The following DNAJB1 variants were observed in gnomAD, a reference collection of about 807,000 sequenced individuals.
DNAJB1 encodes DnaJ heat shock protein family (Hsp40) member B1, also known as dnaJ homolog subfamily B member 1.
DNAJB1 carries 14 observed loss-of-function variants against 24.0 expected under a neutral mutation model. The observed-to-expected ratio is 0.58, with a 90% CI of 0.39 to 0.91. The LOEUF is 0.91. Among genes scored for constraint, DNAJB1 ranks in the 40% least tolerant of loss-of-function variants. DNAJB1 has a pLI of 0.00. For missense variants in DNAJB1, 517 were observed against 458.1 expected (o/e 1.13, Z -1.17); for synonymous variants, 262 against 174.4 (o/e 1.50, Z -3.96).
intron 1 of DNAJB1, among the ~76,000 whole-genome samples, chr19:14,549,748 G>T (rs1428467643): frequency 6.6e-6 from 1 of 152,004 alleles, no homozygotes; most frequent in South Asian, 2.1e-4. Flanking sequence ...TTTGAGACGA[G>T]CCTGACCAAC....
upstream of DNAJB1, among the ~76,000 whole-genome samples, chr19:14,519,329 G>T (rs955138301): frequency 6.6e-6 from 1 of 152,168 alleles, no homozygotes; most frequent in African/African-American, 2.4e-5. Flanking sequence ...AGATCCGGCC[G>T]TTGCACTCCA....
chr19:14,529,515 G>C, upstream of DNAJB1: 2 of 793,600 alleles, frequency 2.5e-6, no homozygotes, highest in Non-Finnish European at 4.4e-6. Flanking sequence ...AAGGAGCAGG[G>C]GCGAACGTGG....
At chr19:14,543,411 ATATATATATTTTTTTTTTTTTT>A (rs2073181554) in intron 1 of DNAJB1, among the ~76,000 whole-genome samples, 2 of 9,124 alleles carry the variant, frequency 2.2e-4, no homozygotes, top group African/African-American at 7.2e-4. Context: ...ATATATATAT[ATATATATATTTTTTTTTTTTTT>A]TTTTTTTTTT....
At chr19:14,542,347 G>GGGTT (rs2073124658) in intron 1 of DNAJB1, among the ~76,000 whole-genome samples, 7 of 43,300 alleles carry the variant, frequency 1.6e-4, no homozygotes, top group African/African-American at 5.7e-4. Context: ...ATGCCATAGT[G>GGGTT]TTTTTTTTTT....
chr19:14,522,516 T>C (rs2072372262), upstream of DNAJB1, among the ~76,000 whole-genome samples: 1 of 145,418 alleles, frequency 6.9e-6, no homozygotes, highest in African/African-American at 2.5e-5. Flanking sequence ...AAGCCAACAC[T>C]GAAAGCAAAC....
intron 2 of DNAJB1, among the ~76,000 whole-genome samples, chr19:14,523,619 T>G (rs1568383945): frequency 1.3e-5 from 2 of 150,242 alleles, no homozygotes; most frequent in African/African-American, 4.9e-5. Context: ...GCCTTGTTTT[T>G]GTTTTTTTTT....
rs1201495369 is a variant in DNAJB1 at position 14,515,968 on chromosome 19, G to T, written c.995C>A (p.Thr332Asn). The change falls in exon 3 of 3, where the codon ACC becomes AAC. Residue 332 changes from threonine to asparagine, a missense_variant. Coordinates refer to ENST00000254322, the MANE Select transcript of DNAJB1 (RefSeq NM_006145.3). ...TATTGGAAGAACCTGCTCAAGTACG[G>T]TTCTTGATGTCTGGGGAATCCTTTC... ...FPERIPQTSR[T>N]VLEQVLPI 6.2e-7 allele frequency: 1 copy of T among 1,610,300 alleles called. No individual in the cohort carries two copies. Among genetic ancestry groups the T allele is most frequent in the African/African-American group, 1.3e-5 (1 of 74,378 alleles).
chr19:14,527,899 T>C, intron 1 of DNAJB1: 1 of 149,056 alleles, frequency 6.7e-6, no homozygotes. Flanking sequence ...TTTTTTTTTC[T>C]TTTTTTTTTG....
chr19:14,545,731 A>C (rs2073284920), intron 1 of DNAJB1: 1 of 159,236 alleles, frequency 6.3e-6, no homozygotes, highest in African/African-American at 2.4e-5. Context: ...AGTGACAGAC[A>C]CCCCTGCACA....
intron 2 of DNAJB1, among the ~76,000 whole-genome samples, chr19:14,524,623 A>T (rs1009968326): frequency 6.6e-6 from 1 of 151,496 alleles, no homozygotes; most frequent in Non-Finnish European, 1.5e-5. Context: ...AGGCAGGTGG[A>T]TCCCTTGAAG....
Position 14,515,940 on chromosome 19 carries a change from CT to C in DNAJB1, c.1022del (p.Ter341CysfsTer65). On this transcript the variant is annotated frameshift_variant and stop_lost, in exon 3 of 3. Coordinates refer to ENST00000254322, the MANE Select transcript of DNAJB1 (RefSeq NM_006145.3). LOFTEE classifies it high-confidence loss of function. ...GTCAGTCCTTGGGGAGCTCAGATAGCTATATTGGAAGAACCTGCTCAAGTAC... is the reference window on the plus strand; with the variant it reads ...GTCAGTCCTTGGGGAGCTCAGATAGCATATTGGAAGAACCTGCTCAAGTAC... ...RTVLEQVLPI[*>X] The C allele has an allele frequency of 1.2e-6, 2 of 1,607,546 alleles. No individual in the cohort carries two copies. The highest frequency in any genetic ancestry group is 1.7e-6 in the Non-Finnish European group (2 of 1,178,686).
At chr19:14,519,494 G>T (rs1356095471), upstream of DNAJB1, among the ~76,000 whole-genome samples, 1 of 152,168 alleles carries the variant, frequency 6.6e-6, no homozygotes, top group African/African-American at 2.4e-5. Flanking sequence ...CTAAAGCAAG[G>T]TGAGGATCTG....
upstream of DNAJB1, among the ~76,000 whole-genome samples, chr19:14,552,682 C>T (rs1218384296): frequency 6.6e-6 from 1 of 151,370 alleles, no homozygotes; most frequent in African/African-American, 2.4e-5. Flanking sequence ...CTACAGGCAC[C>T]CGCCACCATG....
rs759494268 is a variant in DNAJB1 at position 14,518,355 on chromosome 19, C to A, written c.-6G>T. On this transcript the variant is annotated 5_prime_UTR_variant, in exon 1 of 3. Transcript: ENST00000254322. ...TGGTAGTAGTCTTTACCCATGACCC[C>A]CTCCTGCGGCCCGCCGACCCGCTGT... The A allele has an allele frequency of 5.8e-6, 9 of 1,549,872 alleles. No homozygotes were observed. The highest frequency in any genetic ancestry group is 1.2e-5 in the South Asian group (1 of 84,112).
intron 1 of DNAJB1, among the ~76,000 whole-genome samples, chr19:14,556,760 G>T (rs2073740833): frequency 6.6e-6 from 1 of 152,180 alleles, no homozygotes; most frequent in Non-Finnish European, 1.5e-5. Flanking sequence ...ATCGGCTTTG[G>T]GACTGTTCCT....
At chr19:14,537,382 C>G (rs1356800810) in intron 1 of DNAJB1, among the ~76,000 whole-genome samples, 2 of 151,892 alleles carry the variant, frequency 1.3e-5, no homozygotes, top group African/African-American at 4.8e-5. Context: ...TTCAGCCGCA[C>G]CCAGGTGGAT....
At chr19:14,519,355 C>T (rs1198201158), upstream of DNAJB1, among the ~76,000 whole-genome samples, 2 of 152,114 alleles carry the variant, frequency 1.3e-5, no homozygotes, top group East Asian at 3.9e-4. Context: ...GGCAACAGAG[C>T]GAGACTCCGT....
chr19:14,533,791 T>C (rs1439475966), upstream of DNAJB1: 1 of 152,244 alleles, frequency 6.6e-6, no homozygotes, highest in Non-Finnish European at 1.5e-5. Context: ...AGGCCTTGGC[T>C]GAAGCCGTCT....
upstream of DNAJB1, chr19:14,529,663 A>C: frequency 1.2e-6 from 2 of 1,613,792 alleles, no homozygotes; most frequent in South Asian, 2.2e-5. Flanking sequence ...AGGCAGCAGC[A>C]GCCGCGGAGC....
Sources: gnomAD v4.1 joint callset for allele counts (sites outside exome capture counted in the v4.1 genomes callset) on GRCh38, gnomAD v4.1.1 for gene constraint, MANE v1.5 for transcripts, NCBI Gene and HGNC (gene_info 2026-07-23, HGNC 2026-07-21) for gene names.